Variants in ELF2 observed in about 807,000 individuals in gnomAD.
The protein encoded by ELF2 is ETS-related transcription factor Elf-2.
Under a neutral mutation model 54.8 loss-of-function variants are expected in ELF2, and 11 were observed. The observed-to-expected ratio is 0.20, with a 90% CI of 0.13 to 0.33. The LOEUF (loss-of-function observed/expected upper bound fraction) is 0.33, where lower values mean the gene tolerates loss of function less well. Among genes scored for constraint, ELF2 ranks in the 10% least tolerant of loss-of-function variants. The pLI, the probability that ELF2 is intolerant of heterozygous loss-of-function variation, is 1.00. For missense variants in ELF2, 513 were observed against 703.0 expected (o/e 0.73, Z 3.06); for synonymous variants, 203 against 245.1 (o/e 0.83, Z 1.61).
chr4:139,155,658 T>C (rs1740449119), intron 1 of ELF2, among the ~76,000 whole-genome samples: 1 of 152,220 alleles, frequency 6.6e-6, no homozygotes, highest in South Asian at 2.1e-4. Flanking sequence ...AAAATTTAGA[T>C]GTCATTCTTA....
intron 1 of ELF2, among the ~76,000 whole-genome samples, chr4:139,150,937 ATGGCG>A (rs1372765491): frequency 2.0e-5 from 3 of 149,280 alleles, no homozygotes; most frequent in African/African-American, 7.6e-5. Flanking sequence ...AGGCAGGAGA[ATGGCG>A]TGAACCCGGG....
intron 4 of ELF2, among the ~76,000 whole-genome samples, chr4:139,106,216 T>TA (rs1162641570): frequency 6.6e-6 from 1 of 152,102 alleles, no homozygotes; most frequent in African/African-American, 2.4e-5. Flanking sequence ...TATGAAAAAT[T>TA]ACCACTACAT....
At chr4:139,066,143 T>C (rs1481512196) in intron 7 of ELF2, 1 of 151,506 alleles carries the variant, frequency 6.6e-6, no homozygotes, top group Non-Finnish European at 1.5e-5. Context: ...AACCACCTGA[T>C]AAGGACAGAA....
At chr4:139,116,893 CCTTAT>C (rs147055690) in intron 4 of ELF2, 2,281 of 183,818 alleles carry the variant, frequency 0.012, 62 homozygotes, top group African/African-American at 0.051. Context: ...AAATTTGGCT[CCTTAT>C]CTTATTTTTC....
intron 1 of ELF2, among the ~76,000 whole-genome samples, chr4:139,150,306 G>T (rs1739738601): frequency 6.6e-6 from 1 of 151,596 alleles, no homozygotes. Flanking sequence ...GGCAGAGGTT[G>T]CAGTAAGCCG....
chr4:139,101,030 G>T (rs1733831169), intron 4 of ELF2, among the ~76,000 whole-genome samples: 1 of 152,160 alleles, frequency 6.6e-6, no homozygotes, highest in Non-Finnish European at 1.5e-5. Context: ...TAATGGACTG[G>T]GAGAAGGTAG....
rs145466774 is a variant in ELF2 at position 139,063,972 on chromosome 4, T to G, written c.614-1915A>C. The stretch of plus-strand genomic sequence containing the variant: ...AAGACGCTTTTCAGATTGTTTTTAT[T>G]TTATTCCCTTCATAACCTCTAGGTG... On this transcript the variant is annotated intron_variant, in intron 7 of 9. Transcript: ENST00000686138. 1.8e-3 allele frequency among the ~76,000 whole-genome samples: 277 copies of G among 152,308 alleles called. 3 individuals carry two copies. Among genetic ancestry groups the G allele is most frequent in the African/African-American group, 6.4e-3 (266 of 41,586 alleles).
At chr4:139,091,912 A>AAT (rs937475149) in intron 4 of ELF2, among the ~76,000 whole-genome samples, 32 of 149,890 alleles carry the variant, frequency 2.1e-4, no homozygotes, top group Middle Eastern at 7.1e-3. Flanking sequence ...ATATATAGAG[A>AAT]ATATATATAC....
At chr4:139,131,125 T>C (rs1316354719) in intron 3 of ELF2, among the ~76,000 whole-genome samples, 2 of 152,160 alleles carry the variant, frequency 1.3e-5, no homozygotes, top group Non-Finnish European at 2.9e-5. Context: ...CCCTACAAGC[T>C]AGGGTGCAAA....
chr4:139,075,471 C>A (rs897235337), intron 4 of ELF2, among the ~76,000 whole-genome samples: 2 of 152,180 alleles, frequency 1.3e-5, no homozygotes, highest in African/African-American at 4.8e-5. Flanking sequence ...CGCTCTGTTG[C>A]CCAGGCTGGA....
At chr4:139,121,376 G>A (rs1267967524) in intron 4 of ELF2, among the ~76,000 whole-genome samples, 1 of 151,814 alleles carries the variant, frequency 6.6e-6, no homozygotes, top group Non-Finnish European at 1.5e-5. Context: ...CGAAAGTGCT[G>A]GGATTACAGG....
chr4:139,154,847 A>G (rs868394738), intron 1 of ELF2, among the ~76,000 whole-genome samples: 18 of 152,152 alleles, frequency 1.2e-4, no homozygotes, highest in African/African-American at 4.3e-4. Flanking sequence ...CTCCCCTCTC[A>G]CAGGTATATT....
intron 4 of ELF2, among the ~76,000 whole-genome samples, chr4:139,109,751 T>C (rs566520980): frequency 6.6e-6 from 1 of 152,222 alleles, no homozygotes; most frequent in South Asian, 2.1e-4. Flanking sequence ...CACTTACAAG[T>C]GGGAGCTAAA....
At chr4:139,080,472 C>T (rs919530006) in intron 4 of ELF2, among the ~76,000 whole-genome samples, 1 of 151,936 alleles carries the variant, frequency 6.6e-6, no homozygotes, top group Non-Finnish European at 1.5e-5. Context: ...TCATAATGAA[C>T]TTTAATAAAA....
intron 4 of ELF2, among the ~76,000 whole-genome samples, chr4:139,123,543 T>C (rs533884724): frequency 6.6e-6 from 1 of 152,314 alleles, no homozygotes; most frequent in South Asian, 2.1e-4. Flanking sequence ...TAATAAAACA[T>C]TTACAGTCAA....
intron 3 of ELF2, among the ~76,000 whole-genome samples, chr4:139,129,110 G>T (rs1301599785): frequency 6.6e-6 from 1 of 151,986 alleles, no homozygotes; most frequent in Non-Finnish European, 1.5e-5. Context: ...AGCTAATTTT[G>T]TATTTTTAGT....
At chr4:139,090,652 T>C (rs1398684931) in intron 4 of ELF2, among the ~76,000 whole-genome samples, 1 of 152,194 alleles carries the variant, frequency 6.6e-6, no homozygotes, top group East Asian at 1.9e-4. Context: ...GGGAGTATAG[T>C]GGTATCATCT....
intron 4 of ELF2, among the ~76,000 whole-genome samples, chr4:139,081,210 T>G (rs1731065922): frequency 6.6e-6 from 1 of 152,138 alleles, no homozygotes; most frequent in Non-Finnish European, 1.5e-5. Context: ...CAAACATACT[T>G]TGTAAAATGA....
rs1424301954 is a variant in ELF2, at chr4:139,080,629, A to T, written c.239-7062T>A. Among the ~76,000 whole-genome samples, 8 of 152,302 alleles carry T rather than the reference A, an allele frequency of 5.3e-5. No homozygotes were observed. In the East Asian group the frequency reaches 1.3e-3, roughly 26 times the overall value. ...AAATAAAATAAGAAAAGACAAATAA[A>T]GGAAAAAGTCAAGAAAGGTATACTT... On this transcript the variant is annotated intron_variant, in intron 4 of 9. Coordinates refer to ENST00000686138, the MANE Select transcript of ELF2 (RefSeq NM_001331036.3).
Sources: gnomAD v4.1 joint callset for allele counts (sites outside exome capture counted in the v4.1 genomes callset) on GRCh38, gnomAD v4.1.1 for gene constraint, MANE v1.5 for transcripts, NCBI Gene and HGNC (gene_info 2026-07-23, HGNC 2026-07-21) for gene names.